The following SPAG16 variants were observed in gnomAD, a reference collection of about 807,000 sequenced individuals.
SPAG16 encodes the protein sperm associated antigen 16.
SPAG16 carries 86 observed loss-of-function variants against 80.4 expected under a neutral mutation model. The ratio of observed to expected loss-of-function variants is 1.07; its 90% confidence interval spans 0.90 to 1.28. The LOEUF is 1.28. SPAG16 is among the 50% of genes most tolerant of loss of function. The pLI, the probability that SPAG16 is intolerant of heterozygous loss-of-function variation, is 0.00. For missense variants in SPAG16, 870 were observed against 765.3 expected, an observed-to-expected ratio of 1.14 and a Z score of -1.61; for synonymous variants, 294 against 265.9, an observed-to-expected ratio of 1.11 and a Z score of -1.03.
At chr2:214,260,451 A>G (rs957028012) in intron 15 of SPAG16, among the ~76,000 whole-genome samples, 5 of 152,050 alleles carry the variant, frequency 3.3e-5, no homozygotes, top group African/African-American at 1.2e-4. Flanking sequence ...CCCAGGGAGT[A>G]TTTCCACATG....
intron 11 of SPAG16, among the ~76,000 whole-genome samples, chr2:213,893,197 GA>G (rs1441445306): frequency 3.3e-5 from 5 of 152,038 alleles, no homozygotes; most frequent in Non-Finnish European, 7.4e-5. Flanking sequence ...CACCATACAA[GA>G]ATACTGTATT....
At chr2:213,810,605 G>C (rs1205148775) in intron 10 of SPAG16, among the ~76,000 whole-genome samples, 1 of 152,132 alleles carries the variant, frequency 6.6e-6, no homozygotes. Context: ...ATAATTTGAA[G>C]ATATAGAGGA....
At chr2:214,033,949 A>C (rs1208430309) in intron 13 of SPAG16, among the ~76,000 whole-genome samples, 1 of 152,234 alleles carries the variant, frequency 6.6e-6, no homozygotes, top group Non-Finnish European at 1.5e-5. Context: ...TTTATAACAA[A>C]AGAAAATCCA....
chr2:214,203,029 A>C (rs6435818), intron 15 of SPAG16, among the ~76,000 whole-genome samples: 133,272 of 152,188 alleles, frequency 0.88, 58,478 homozygotes, highest in African/African-American at 0.93. Flanking sequence ...AGAATACCAA[A>C]ACAGGTTTTA....
intron 9 of SPAG16, among the ~76,000 whole-genome samples, chr2:213,439,946 C>G (rs937477981): frequency 6.6e-6 from 1 of 152,136 alleles, no homozygotes; most frequent in African/African-American, 2.4e-5. Flanking sequence ...TACAATACCT[C>G]TTTAGAAAAG....
chr2:214,031,969 A>T (rs1191789929), intron 13 of SPAG16, among the ~76,000 whole-genome samples: 16 of 152,206 alleles, frequency 1.1e-4, no homozygotes, highest in Admixed American at 1.0e-3. Flanking sequence ...ATTACAATTC[A>T]ACATGAGAAC....
chr2:213,977,848 G>A (rs2045499819), intron 12 of SPAG16, among the ~76,000 whole-genome samples: 2 of 151,960 alleles, frequency 1.3e-5, no homozygotes, highest in Admixed American at 1.3e-4. Context: ...TAGATCTTCT[G>A]TGGATCTTGT....
chr2:213,950,990 G>T (rs1011471941), intron 12 of SPAG16, among the ~76,000 whole-genome samples: 1 of 149,366 alleles, frequency 6.7e-6, no homozygotes, highest in African/African-American at 2.5e-5. Context: ...GGGATTACAG[G>T]TGTAAGCCAC....
chr2:213,898,297 T>G (rs910766956), intron 11 of SPAG16, among the ~76,000 whole-genome samples: 5 of 152,220 alleles, frequency 3.3e-5, no homozygotes, highest in African/African-American at 1.2e-4. Flanking sequence ...GGGCACTTGA[T>G]TTGTATACCT....
intron 11 of SPAG16, among the ~76,000 whole-genome samples, chr2:213,903,068 T>C (rs1455727548): frequency 1.3e-5 from 2 of 152,176 alleles, no homozygotes; most frequent in Non-Finnish European, 2.9e-5. Flanking sequence ...CTTTGCAGGG[T>C]ACAGCCTCCC....
chr2:214,260,727 C>G (rs1306122300), intron 15 of SPAG16, among the ~76,000 whole-genome samples: 1 of 152,130 alleles, frequency 6.6e-6, no homozygotes, highest in Non-Finnish European at 1.5e-5. Flanking sequence ...CCCTCAAACA[C>G]ATAGTGCCTG....
At chr2:214,373,077 T>C (rs1212323193) in intron 15 of SPAG16, among the ~76,000 whole-genome samples, 1 of 152,180 alleles carries the variant, frequency 6.6e-6, no homozygotes, top group Admixed American at 6.5e-5. Context: ...TAAAATTGTA[T>C]GTTTTTAATA....
intron 15 of SPAG16, among the ~76,000 whole-genome samples, chr2:214,335,799 G>T (rs146729545): frequency 0.061 from 8,223 of 134,388 alleles, 842 homozygotes; most frequent in African/African-American, 0.23. Context: ...TCACTCTGTC[G>T]CCAGGCTGGA....
chr2:213,709,659 A>G (rs148876190), intron 10 of SPAG16, among the ~76,000 whole-genome samples: 148 of 152,286 alleles, frequency 9.7e-4, no homozygotes, highest in African/African-American at 3.4e-3. Flanking sequence ...GTATACAGGT[A>G]GAATTTTACT....
chr2:214,352,883 C>G (rs375888261), intron 15 of SPAG16, among the ~76,000 whole-genome samples: 1 of 152,004 alleles, frequency 6.6e-6, no homozygotes, highest in Non-Finnish European at 1.5e-5. Context: ...TTATTTTCTC[C>G]TAACATTTAC....
At chr2:213,575,793 A>G (rs2060103273) in intron 10 of SPAG16, among the ~76,000 whole-genome samples, 1 of 152,174 alleles carries the variant, frequency 6.6e-6, no homozygotes, top group African/African-American at 2.4e-5. Context: ...TAGGATTATT[A>G]TCACAGAAAT....
intron 10 of SPAG16, among the ~76,000 whole-genome samples, chr2:213,636,892 T>C (rs557110258): frequency 3.3e-5 from 5 of 152,258 alleles, no homozygotes; most frequent in African/African-American, 9.6e-5. Flanking sequence ...TGAACCTAAA[T>C]TGGCAAAAAG....
chr2:213,963,306 T>A (rs1348399441), intron 12 of SPAG16, among the ~76,000 whole-genome samples: 2 of 152,136 alleles, frequency 1.3e-5, no homozygotes, highest in African/African-American at 4.8e-5. Context: ...TATTCAGGAG[T>A]ATATTGCTAA....
At chr2:214,034,979 T>C (rs1239779609) in intron 13 of SPAG16, among the ~76,000 whole-genome samples, 1 of 152,154 alleles carries the variant, frequency 6.6e-6, no homozygotes, top group African/African-American at 2.4e-5. Context: ...GCTGAATAAT[T>C]CTATTTTTCA....
Sources: gnomAD v4.1 joint callset for allele counts (sites outside exome capture counted in the v4.1 genomes callset) on GRCh38, gnomAD v4.1.1 for gene constraint, MANE v1.5 for transcripts, NCBI Gene and HGNC (gene_info 2026-07-23, HGNC 2026-07-21) for gene names.